ODAD2: variants seen among roughly 807,000 people sequenced by gnomAD.
ODAD2 encodes outer dynein arm-docking complex subunit 2.
ODAD2 carries 89 observed loss-of-function variants against 106.8 expected under a neutral mutation model. The observed-to-expected ratio is 0.83, with a 90% confidence interval of 0.70 to 0.99. The LOEUF (loss-of-function observed/expected upper bound fraction) is 0.99. Ranked by LOEUF, ODAD2 falls within the 50% of genes least tolerant of loss-of-function variation. The pLI, the probability that ODAD2 is intolerant of heterozygous loss-of-function variation, is 0.00. For missense variants in ODAD2, 1,168 were observed against 1,238.5 expected, an observed-to-expected ratio of 0.94 and a Z score of 0.85; for synonymous variants, 404 against 436.2, an observed-to-expected ratio of 0.93 and a Z score of 0.92.
At chr10:27,817,861 G>T (rs918412400) in intron 19 of ODAD2, among the ~76,000 whole-genome samples, 1 of 152,070 alleles carries the variant, frequency 6.6e-6, no homozygotes, top group African/African-American at 2.4e-5. Flanking sequence ...CCAGTAGGGG[G>T]ATTGCTGGAT....
At chr10:27,823,643 A>T (rs957975255) in intron 19 of ODAD2, among the ~76,000 whole-genome samples, 2 of 152,176 alleles carry the variant, frequency 1.3e-5, no homozygotes, top group Non-Finnish European at 2.9e-5. Flanking sequence ...TGTTATATTG[A>T]CTTGGAGACT....
chr10:27,983,724 G>T, intron 6 of ODAD2, 119 bp downstream of exon 6: 1 of 991,174 alleles, frequency 1.0e-6, no homozygotes. Flanking sequence ...AAAGGAATCT[G>T]CTTCTATCCC....
At chr10:27,975,432 A>T (rs1849128569) in intron 7 of ODAD2, among the ~76,000 whole-genome samples, 1 of 152,130 alleles carries the variant, frequency 6.6e-6, no homozygotes, top group Non-Finnish European at 1.5e-5. Flanking sequence ...CAATATTAGG[A>T]ATGAGAGAGG....
chr10:27,848,879 G>A (rs563261974), intron 19 of ODAD2, among the ~76,000 whole-genome samples: 121 of 152,214 alleles, frequency 7.9e-4, no homozygotes, highest in Non-Finnish European at 1.4e-3. Context: ...TTAGAATGGC[G>A]ATCATTAAAA....
intron 16 of ODAD2, among the ~76,000 whole-genome samples, chr10:27,908,446 TATCA>T (rs1282566641): frequency 2.0e-5 from 3 of 152,196 alleles, no homozygotes; most frequent in African/African-American, 7.2e-5. Flanking sequence ...TCTGTTTATA[TATCA>T]ATCAGTCCAG....
intron 14 of ODAD2, among the ~76,000 whole-genome samples, chr10:27,938,187 C>A (rs779289514): frequency 6.6e-6 from 1 of 152,218 alleles, no homozygotes; most frequent in South Asian, 2.1e-4. Flanking sequence ...TATCCACACA[C>A]CTCGGCCTCC....
intron 17 of ODAD2, among the ~76,000 whole-genome samples, chr10:27,894,625 T>A (rs1224161546): frequency 1.3e-5 from 2 of 151,974 alleles, no homozygotes; most frequent in Non-Finnish European, 2.9e-5. Flanking sequence ...TGCCCAGGCT[T>A]GAGTGCAGTG....
intron 10 of ODAD2, among the ~76,000 whole-genome samples, chr10:27,952,597 T>C (rs1040710970): frequency 2.6e-5 from 4 of 152,134 alleles, no homozygotes; most frequent in Admixed American, 2.6e-4. Context: ...CCTCCCTGTG[T>C]CCATGTGTTC....
At chr10:27,939,138 A>AAC (rs150761167) in intron 14 of ODAD2, among the ~76,000 whole-genome samples, 191 of 150,948 alleles carry the variant, frequency 1.3e-3, no homozygotes, top group African/African-American at 3.8e-3. Flanking sequence ...ATAAAACAGG[A>AAC]ACACACACAC....
At chr10:27,948,826 A>AT (rs1201383023) in intron 10 of ODAD2, among the ~76,000 whole-genome samples, 4,370 of 25,712 alleles carry the variant, frequency 0.17, 309 homozygotes, top group African/African-American at 0.33. Flanking sequence ...TGGCCATTGG[A>AT]TTTTTTTTTT....
chr10:27,936,657 G>T, intron 15 of ODAD2, 69 bp downstream of exon 15: 1 of 1,525,812 alleles, frequency 6.6e-7, no homozygotes, highest in Non-Finnish European at 9.1e-7. Flanking sequence ...TACTAGAATG[G>T]CATTAAATGA....
intron 16 of ODAD2, among the ~76,000 whole-genome samples, chr10:27,932,874 C>T (rs1845706676): frequency 6.6e-6 from 1 of 152,138 alleles, no homozygotes; most frequent in Non-Finnish European, 1.5e-5. Flanking sequence ...AATGTAATCC[C>T]CACGACAGCA....
chr10:27,972,262 C>T (rs561504471), intron 7 of ODAD2, among the ~76,000 whole-genome samples: 1 of 151,982 alleles, frequency 6.6e-6, no homozygotes, highest in South Asian at 2.1e-4. Context: ...CAGAGGGCAG[C>T]TAAGAAACTT....
intron 19 of ODAD2, chr10:27,813,590 T>G (rs1004479103): frequency 1.3e-5 from 2 of 152,220 alleles, no homozygotes; most frequent in East Asian, 3.8e-4. Flanking sequence ...CCCAATAGCA[T>G]TTGAGTGCAA....
At chr10:27,883,503 G>A (rs1408763858) in intron 17 of ODAD2, among the ~76,000 whole-genome samples, 1 of 152,042 alleles carries the variant, frequency 6.6e-6, no homozygotes, top group East Asian at 1.9e-4. Flanking sequence ...TACAACAAAG[G>A]AGAAAAGTAT....
intron 19 of ODAD2, among the ~76,000 whole-genome samples, chr10:27,836,416 A>T (rs1349210114): frequency 6.6e-6 from 1 of 152,230 alleles, no homozygotes; most frequent in Non-Finnish European, 1.5e-5. Context: ...CATTAAATAA[A>T]AAAGATTTAT....
chr10:27,900,786 T>G (rs1843145979), intron 17 of ODAD2, among the ~76,000 whole-genome samples: 1 of 151,992 alleles, frequency 6.6e-6, no homozygotes. Context: ...AAGGAACGAA[T>G]GAAGCCTCCA....
intron 17 of ODAD2, among the ~76,000 whole-genome samples, chr10:27,879,440 T>C (rs902423393): frequency 6.6e-6 from 1 of 151,506 alleles, no homozygotes; most frequent in Admixed American, 6.6e-5. Flanking sequence ...TATATGTATA[T>C]ATTAAATAAT....
At chr10:27,831,508 A>T (rs182221659) in intron 19 of ODAD2, among the ~76,000 whole-genome samples, 4 of 152,146 alleles carry the variant, frequency 2.6e-5, no homozygotes, top group Non-Finnish European at 5.9e-5. Context: ...AACCTAGCTA[A>T]ATTTTATTAT....
Sources: gnomAD v4.1 joint callset for allele counts (sites outside exome capture counted in the v4.1 genomes callset) on GRCh38, gnomAD v4.1.1 for gene constraint, MANE v1.5 for transcripts, NCBI Gene and HGNC (gene_info 2026-07-23, HGNC 2026-07-21) for gene names.